Variants in CMTM4 observed in about 807,000 individuals in gnomAD.
CMTM4 encodes CKLF-like MARVEL transmembrane domain-containing protein 4.
Under a neutral mutation model 19.0 loss-of-function variants are expected in CMTM4, and 8 were observed. That is an observed-to-expected ratio of 0.42 (90% CI 0.25 to 0.76). The LOEUF is 0.76. CMTM4 is among the 30% of genes least tolerant of loss of function. CMTM4 has a pLI of 0.27. For missense variants in CMTM4, 228 were observed against 290.2 expected, an observed-to-expected ratio of 0.79 and a Z score of 1.56; for synonymous variants, 106 against 121.1, an observed-to-expected ratio of 0.88 and a Z score of 0.82.
intron 2 of CMTM4, among the ~76,000 whole-genome samples, chr16:66,634,191 G>A (rs543012114): frequency 5.9e-5 from 9 of 152,156 alleles, no homozygotes; most frequent in Non-Finnish European, 4.4e-5. Context: ...TGTAATCCCA[G>A]CACTTTGGGA....
At chr16:66,627,161 A>G (rs1567405275) in intron 2 of CMTM4, among the ~76,000 whole-genome samples, 1 of 152,230 alleles carries the variant, frequency 6.6e-6, no homozygotes, top group African/African-American at 2.4e-5. Flanking sequence ...GGAAGCAAAC[A>G]AAGTGCTCAA....
the CMTM4 span, chr16:66,608,235 G>T: frequency 6.4e-7 from 1 of 1,550,962 alleles, no homozygotes. This position sits in a 1 kb window ranked among gnomAD's most constrained non-coding sequence, Gnocchi z 5.1. Context: ...CCTGACCACA[G>T]GGCCTGGCTC....
At chr16:66,614,494 C>A (rs2015489064), downstream of CMTM4, among the ~76,000 whole-genome samples, 1 of 152,210 alleles carries the variant, frequency 6.6e-6, no homozygotes, top group African/African-American at 2.4e-5. The surrounding 1 kb of genome is among the most constrained non-coding windows in gnomAD (Gnocchi z 4.9). Flanking sequence ...AGACATTCCA[C>A]CCAAACTGTC....
chr16:66,668,452 G>T (rs1356281566), intron 1 of CMTM4, among the ~76,000 whole-genome samples: 2 of 151,976 alleles, frequency 1.3e-5, no homozygotes, highest in Non-Finnish European at 2.9e-5. Flanking sequence ...CCATGTTTTT[G>T]CTTTTTCTTT....
chr16:66,639,591 A>ACCAGGAAGAGTGGC (rs532342140), intron 1 of CMTM4, among the ~76,000 whole-genome samples: 176 of 152,264 alleles, frequency 1.2e-3, no homozygotes, highest in African/African-American at 4.1e-3. Flanking sequence ...AGACACAGAG[A>ACCAGGAAGAGTGGC]CCAGGAAGAG....
chr16:66,688,899 T>A (rs1327795700), intron 1 of CMTM4, among the ~76,000 whole-genome samples: 1 of 152,218 alleles, frequency 6.6e-6, no homozygotes, highest in Non-Finnish European at 1.5e-5. Context: ...TTCTTTTGAG[T>A]GCTGTTATAA....
chr16:66,681,007 C>G (rs1456020562), intron 1 of CMTM4, among the ~76,000 whole-genome samples: 1 of 152,070 alleles, frequency 6.6e-6, no homozygotes, highest in East Asian at 1.9e-4. Context: ...AATACGTAAG[C>G]CACACATGCA....
rs2015596573 is a variant in CMTM4, at chr16:66,619,855, C to T, written c.*2203G>A. Reference sequence around the variant, plus strand: ...ACATAAATAATTCTGAAGAGTCTATCACGAAGATGCAAATTAACTCCTAAG... The same window carrying T: ...ACATAAATAATTCTGAAGAGTCTATTACGAAGATGCAAATTAACTCCTAAG... On this transcript the variant is annotated 3_prime_UTR_variant, in exon 4 of 4. Transcript: ENST00000394106. The T allele has an allele frequency of 1.0e-6, 1 of 985,268 alleles. No homozygotes were observed. The highest frequency in any genetic ancestry group is 4.7e-5 in the South Asian group (1 of 21,296). 61.0% of individuals were successfully genotyped at this position (985,268 alleles called of 1,614,324 possible).
downstream of CMTM4, chr16:66,610,119 A>T: frequency 7.2e-7 from 1 of 1,383,224 alleles, no homozygotes; most frequent in Non-Finnish European, 1.0e-6. This position sits in a 1 kb window ranked among gnomAD's most constrained non-coding sequence, Gnocchi z 4.6. Flanking sequence ...CATGGCAGGA[A>T]GTGTTTTCAC....
intron 1 of CMTM4, among the ~76,000 whole-genome samples, chr16:66,671,299 A>C (rs372707165): frequency 1.3e-5 from 2 of 152,276 alleles, no homozygotes; most frequent in African/African-American, 4.8e-5. Context: ...GAGGGGAAGG[A>C]ATCAGGCAAG....
downstream of CMTM4, among the ~76,000 whole-genome samples, chr16:66,610,659 G>A (rs2015342553): frequency 6.6e-6 from 1 of 152,134 alleles, no homozygotes; most frequent in Non-Finnish European, 1.5e-5. This position sits in a 1 kb window ranked among gnomAD's most constrained non-coding sequence, Gnocchi z 4.6. Context: ...TGAGAGCAGA[G>A]ACAGCAGGCG....
chr16:66,665,642 G>A (rs1030121263), intron 1 of CMTM4, among the ~76,000 whole-genome samples: 3 of 152,134 alleles, frequency 2.0e-5, no homozygotes, highest in African/African-American at 7.2e-5. Flanking sequence ...TACTCGGGAG[G>A]CTGAGACAGG....
At chr16:66,609,124 G>C in the CMTM4 span, among the ~76,000 whole-genome samples, 1 of 152,048 alleles carries the variant, frequency 6.6e-6, no homozygotes, top group Non-Finnish European at 1.5e-5. This position sits in a 1 kb window ranked among gnomAD's most constrained non-coding sequence, Gnocchi z 4.4. Flanking sequence ...GAAGGGAGCA[G>C]GTGGGGGTGT....
At chr16:66,653,880 G>A (rs967014912) in intron 1 of CMTM4, among the ~76,000 whole-genome samples, 7 of 152,052 alleles carry the variant, frequency 4.6e-5, no homozygotes, top group East Asian at 3.9e-4. Flanking sequence ...GATTAGAAGC[G>A]TGTGCCATCA....
At chr16:66,630,152 T>C (rs996543940) in intron 2 of CMTM4, among the ~76,000 whole-genome samples, 1 of 151,950 alleles carries the variant, frequency 6.6e-6, no homozygotes, top group Admixed American at 6.6e-5. Context: ...GTCTGTGGGA[T>C]CTGTGCTAAC....
chr16:66,686,062 G>A (rs962854005), intron 1 of CMTM4, among the ~76,000 whole-genome samples: 7 of 152,090 alleles, frequency 4.6e-5, no homozygotes, highest in East Asian at 3.9e-4. Context: ...AGACCATCCC[G>A]GCCAACATGG....
chr16:66,632,355 TAGTC>T (rs1413493787), intron 2 of CMTM4, among the ~76,000 whole-genome samples: 7 of 152,070 alleles, frequency 4.6e-5, no homozygotes, highest in Non-Finnish European at 8.8e-5. Flanking sequence ...GACCACCACA[TAGTC>T]AGGATGGTGG....
the CMTM4 span, chr16:66,605,580 C>A: frequency 6.5e-6 from 1 of 152,888 alleles, no homozygotes; most frequent in Non-Finnish European, 1.5e-5. This position sits in a 1 kb window ranked among gnomAD's most constrained non-coding sequence, Gnocchi z 4.6. Context: ...AGGGGTGGCG[C>A]TGGGCCGTTG....
chr16:66,625,045 G>A (rs372601947), intron 2 of CMTM4, among the ~76,000 whole-genome samples: 4 of 152,180 alleles, frequency 2.6e-5, no homozygotes, highest in Non-Finnish European at 4.4e-5. Context: ...ATTCAGAAAC[G>A]AGGGGAAAAT....
Sources: gnomAD v4.1 joint callset for allele counts (sites outside exome capture counted in the v4.1 genomes callset) on GRCh38, gnomAD v4.1.1 for gene constraint, Gnocchi (gnomAD v3.1) non-coding constraint, MANE v1.5 for transcripts, NCBI Gene and HGNC (gene_info 2026-07-23, HGNC 2026-07-21) for gene names.